The following PMPCB variants were observed in gnomAD, a reference collection of about 807,000 sequenced individuals.
PMPCB encodes peptidase, mitochondrial processing subunit beta.
PMPCB carries 46 observed loss-of-function variants against 61.5 expected under a neutral mutation model. The observed-to-expected ratio is 0.75, with a 90% CI of 0.59 to 0.96. PMPCB has a LOEUF of 0.96. Among genes scored for constraint, PMPCB ranks in the 40% least tolerant of loss-of-function variants. PMPCB has a pLI of 0.00. For synonymous variants in PMPCB, 191 were observed against 201.6 expected (o/e 0.95, Z 0.44); for missense variants, 590 against 602.4 (o/e 0.98, Z 0.22).
chr7:103,347,246 A>G, the PMPCB span, among the ~76,000 whole-genome samples: 1 of 152,118 alleles, frequency 6.6e-6, no homozygotes, highest in Non-Finnish European at 1.5e-5. Context: ...AGCTATCTTA[A>G]TAGGTATGTG....
At position 103,312,034 on chromosome 7, in the gene PMPCB, GAC is replaced by G. The variant is rs765549359; in HGVS notation, c.1330-20_1330-19del. 2 of 1,607,730 alleles carry G rather than the reference GAC, an allele frequency of 1.2e-6. No individual in the cohort carries two copies. The highest frequency in any genetic ancestry group is 8.5e-7 in the Non-Finnish European group (1 of 1,176,020). ...TTGTTTTTACTACAAACAGCTGAAT[GAC>G]AGTGTCTTCCATATTTCAGGCTGTG... is the stretch of plus-strand genomic sequence containing the variant. On this transcript the variant is annotated intron_variant, in intron 11 of 12. Transcript: ENST00000249269.
rs367679869 is a variant in PMPCB at position 103,311,633 on chromosome 7, C to T, written c.1155-10C>T. 22 of 1,605,788 alleles carry T rather than the reference C, an allele frequency of 1.4e-5. No homozygotes were observed. Among genetic ancestry groups the T allele is most frequent in the African/African-American group, 1.1e-4 (8 of 74,716 alleles). On this transcript the variant is annotated splice_polypyrimidine_tract_variant and intron_variant, in intron 9 of 12. Transcript: ENST00000249269. Reference sequence around the variant, plus strand: ...TTTTCCAACTACTACTGTTTTTCCACGTTTTTTAGGATGCGACTCTGTACA... The same window carrying T: ...TTTTCCAACTACTACTGTTTTTCCATGTTTTTTAGGATGCGACTCTGTACA...
chr7:103,341,289 T>C, the PMPCB span, among the ~76,000 whole-genome samples: 1 of 152,156 alleles, frequency 6.6e-6, no homozygotes, highest in African/African-American at 2.4e-5. Context: ...TATCTTACTG[T>C]CCCAAAAATA....
the PMPCB span, among the ~76,000 whole-genome samples, chr7:103,342,867 C>T: frequency 6.6e-6 from 1 of 152,032 alleles, no homozygotes. Context: ...CTCGGCCTGC[C>T]AAAATGCTGG....
downstream of PMPCB, among the ~76,000 whole-genome samples, chr7:103,334,184 C>T (rs1819078664): frequency 6.6e-6 from 1 of 151,984 alleles, no homozygotes; most frequent in African/African-American, 2.4e-5. Flanking sequence ...ATCTCCTGAC[C>T]TCGTGATCCG....
the PMPCB span, among the ~76,000 whole-genome samples, chr7:103,342,702 G>A: frequency 2.6e-5 from 4 of 151,036 alleles, no homozygotes; most frequent in Admixed American, 1.3e-4. Context: ...TCCGCCTCCC[G>A]GGTTCAAGCG....
chr7:103,303,440 C>G (rs563247414), intron 4 of PMPCB, among the ~76,000 whole-genome samples: 1 of 152,326 alleles, frequency 6.6e-6, no homozygotes, highest in South Asian at 2.1e-4. Context: ...ATAGCACTGT[C>G]ATTGCTGTGG....
At chr7:103,342,007 G>C in the PMPCB span, 18 of 1,327,076 alleles carry the variant, frequency 1.4e-5, no homozygotes, top group Admixed American at 2.7e-5. Flanking sequence ...GAATAAATAT[G>C]TTTCAAGGCA....
chr7:103,346,798 T>C, the PMPCB span, among the ~76,000 whole-genome samples: 1 of 150,996 alleles, frequency 6.6e-6, no homozygotes, highest in Non-Finnish European at 1.5e-5. Flanking sequence ...TAGAATTTCA[T>C]TCCTTTTTAA....
Position 103,322,602 on chromosome 7 carries a change from T to C in PMPCB, c.*1432-6329T>C, listed in dbSNP as rs1818480603. The C allele has an allele frequency of 6.2e-7, 1 of 1,612,618 alleles. No homozygotes were observed. The highest frequency in any genetic ancestry group is 1.3e-5 in the African/African-American group (1 of 74,844). ...GGCTTTTTCTTCTTCCTTGAACTTT[T>C]TTATCCTTGGATCACAGCTGTATGC... is the stretch of plus-strand genomic sequence containing the variant. On this transcript the variant is annotated intron_variant and NMD_transcript_variant, in intron 12 of 12. Coordinates refer to the PMPCB transcript ENST00000444457.
At chr7:103,345,861 G>A in the PMPCB span, among the ~76,000 whole-genome samples, 17 of 151,768 alleles carry the variant, frequency 1.1e-4, no homozygotes, top group African/African-American at 3.1e-4. Context: ...TGGGAAGATC[G>A]TTGAGGCCGG....
At chr7:103,319,458 G>A (rs530852162), downstream of PMPCB, 14 of 830,678 alleles carry the variant, frequency 1.7e-5, no homozygotes, top group African/African-American at 6.9e-5. Context: ...CCAAAAAACC[G>A]AACACATAAA....
chr7:103,304,067 A>T (rs760719110), intron 5 of PMPCB, 27 bp downstream of exon 5: 31 of 1,465,770 alleles, frequency 2.1e-5, no homozygotes, highest in Non-Finnish European at 2.6e-5. Context: ...TTCTTGGTGT[A>T]TAAGGGAATT....
chr7:103,304,730 A>T (rs1404967987), intron 6 of PMPCB, among the ~76,000 whole-genome samples: 1 of 152,114 alleles, frequency 6.6e-6, no homozygotes, highest in Non-Finnish European at 1.5e-5. Context: ...TGGGAGGCCG[A>T]GGTGGGCGGA....
chr7:103,303,895 A>T lies in PMPCB; in HGVS notation c.511A>T (p.Ile171Phe). 1 of 1,613,974 alleles carries T rather than the reference A, an allele frequency of 6.2e-7. No homozygotes were observed. Among genetic ancestry groups the T allele is most frequent in the Non-Finnish European group, 8.5e-7 (1 of 1,179,852 alleles). Residue 171 changes from isoleucine to phenylalanine, a missense_variant, in exon 5 of 13, where the codon ATT (isoleucine) becomes TTT (phenylalanine). Transcript: ENST00000249269. Reference protein sequence around the residue: ...IQNSTLGEAEIERERGVILRE... With the variant: ...IQNSTLGEAEFERERGVILRE... ...AAACAGCACATTGGGAGAAGCAGAG[A>T]TTGAACGTGAGCGTGGAGTAATCCT...
downstream of PMPCB, among the ~76,000 whole-genome samples, chr7:103,332,070 T>C (rs979020443): frequency 6.6e-6 from 1 of 151,616 alleles, no homozygotes; most frequent in Non-Finnish European, 1.5e-5. Flanking sequence ...AGTGGTGCAG[T>C]CTTGGCTCAC....
At chr7:103,301,082 G>A (rs553704575) in intron 4 of PMPCB, among the ~76,000 whole-genome samples, 1 of 152,200 alleles carries the variant, frequency 6.6e-6, no homozygotes, top group South Asian at 2.1e-4. Context: ...TGTTTAAATG[G>A]CACTTAACAC....
intron 12 of PMPCB, chr7:103,327,848 A>G (rs1397480892): frequency 1.4e-6 from 1 of 696,232 alleles, no homozygotes; most frequent in Non-Finnish European, 2.4e-6. Context: ...CATAAGGCTA[A>G]TATTAGAATC....
the PMPCB span, chr7:103,344,602 G>C: frequency 1.2e-6 from 2 of 1,612,538 alleles, no homozygotes. Flanking sequence ...GGCCGTCCGC[G>C]GCGCTTGGCA....
Sources: gnomAD v4.1 joint callset for allele counts (sites outside exome capture counted in the v4.1 genomes callset) on GRCh38, gnomAD v4.1.1 for gene constraint, MANE v1.5 for transcripts, NCBI Gene and HGNC (gene_info 2026-07-23, HGNC 2026-07-21) for gene names.